Variants in SYNPO2L observed in about 807,000 individuals in gnomAD.
SYNPO2L encodes the protein synaptopodin 2 like.
In SYNPO2L, 34 loss-of-function variants were observed where a neutral mutation model predicts 47.5. The ratio of observed to expected loss-of-function variants is 0.72; its 90% CI spans 0.54 to 0.95. The LOEUF (loss-of-function observed/expected upper bound fraction) is 0.95, where lower values mean the gene tolerates loss of function less well. Ranked by LOEUF, SYNPO2L falls within the 40% of genes least tolerant of loss-of-function variation. The pLI is 0.00. For synonymous variants in SYNPO2L, 536 were observed against 524.9 expected (o/e 1.02, Z -0.29); for missense variants, 1,246 against 1,282.0 (o/e 0.97, Z 0.43).
intron 1 of SYNPO2L, 144 bp from the exon 2 acceptor site, chr10:73,654,424 G>T: frequency 2.1e-6 from 2 of 967,346 alleles, no homozygotes; most frequent in Non-Finnish European, 1.5e-6. Context: ...GGCTGCAGTT[G>T]AAGTGGCCTG....
At chr10:73,650,494 A>T (rs1269684573) in intron 3 of SYNPO2L, among the ~76,000 whole-genome samples, 1 of 152,174 alleles carries the variant, frequency 6.6e-6, no homozygotes, top group Non-Finnish European at 1.5e-5. Flanking sequence ...TGCTATAAGG[A>T]TTAACTGAGA....
At position 73,647,404 on chromosome 10, in the gene SYNPO2L, C is replaced by T. The variant is rs987505953; in HGVS notation, c.2248G>A (p.Glu750Lys). ...CCCCTGCCCTGCAGCCTTGGTGGCT[C>T]AGGGATTCCAGCCGAAGAGGCTGCC... ...NGAASSAGIP[E>K]PPRLQGRGGE... Residue 750 changes from glutamate (E) to lysine (K), a missense_variant, in exon 4 of 4, where the codon GAG becomes AAG. This residue lies in a region of SYNPO2L where 1,037 missense variants were observed against 1,021.5 expected (regional missense o/e 1.02). Transcript: ENST00000394810. 2.5e-6 allele frequency: 4 copies of T among 1,613,376 alleles called. No individual in the cohort carries two copies. Among genetic ancestry groups the T allele is most frequent in the Non-Finnish European group, 3.4e-6 (4 of 1,179,570 alleles).
At chr10:73,655,294 C>T (rs900649567) in intron 1 of SYNPO2L, among the ~76,000 whole-genome samples, 3 of 152,094 alleles carry the variant, frequency 2.0e-5, no homozygotes, top group African/African-American at 7.2e-5. Flanking sequence ...TTGCCATAAC[C>T]CTCCTAGCAC....
chr10:73,654,933 C>T (rs1451873054), intron 1 of SYNPO2L, among the ~76,000 whole-genome samples: 1 of 152,168 alleles, frequency 6.6e-6, no homozygotes, highest in African/African-American at 2.4e-5. Context: ...TGGTAATTCT[C>T]TACTAGGCCT....
In SYNPO2L at chr10:73,646,184, AC is replaced by A; in HGVS notation, c.*533del. The A allele has an allele frequency of 9.6e-6, 7 of 732,668 alleles. No homozygotes were observed. Among genetic ancestry groups the A allele is most frequent in the Non-Finnish European group, 1.1e-5 (7 of 615,944 alleles). 45.4% of individuals were successfully genotyped at this position (732,668 alleles called of 1,614,324 possible). A position where few individuals can be genotyped will look rare whatever the true frequency, so the allele number is the denominator to read the frequency against. The stretch of plus-strand genomic sequence containing the variant: ...TCATGCCTTAGACGGAAGAGCACAC[AC>A]ACACACACACACACACACACACACA... On this transcript the variant is annotated 3_prime_UTR_variant, in exon 4 of 4. Coordinates refer to ENST00000394810, the MANE Select transcript of SYNPO2L (RefSeq NM_001114133.3).
At position 73,648,424 on chromosome 10, in the gene SYNPO2L, G is replaced by C. The variant is rs756968415; in HGVS notation, c.1228C>G (p.Pro410Ala). Residue 410 changes from proline to alanine, a missense_variant, in exon 4 of 4, where the codon CCA (proline) becomes GCA (alanine). Physicochemically the swap from Pro to Ala is conservative, Grantham distance 27. Around this residue, in one of 3 missense-constraint regions of SYNPO2L, gnomAD observed 1,037 missense variants for 1,021.5 expected, o/e 1.02. Coordinates refer to ENST00000394810, the MANE Select transcript of SYNPO2L (RefSeq NM_001114133.3). ...SSTQELARVE[P>A]AAMLNGEGLQ... ...CCTTCCCCGTTGAGCATGGCTGCTG[G>C]TTCGACCCGTGCCAGTTCCTGGGTG... is the stretch of plus-strand genomic sequence containing the variant. 1.7e-5 allele frequency: 27 copies of C among 1,608,290 alleles called. 1 individual carries two copies. In the South Asian group the frequency reaches 2.7e-4, roughly 16 times the overall value.
chr10:73,649,942 TG>T lies in SYNPO2L; in HGVS notation c.773-1064del, dbSNP rs2081825958. 5 of 985,214 alleles carry T rather than the reference TG, an allele frequency of 5.1e-6. No homozygotes were observed. The African/African-American group carries it at 5.2e-5, about 10-fold the overall frequency. 61.0% of individuals were successfully genotyped at this position (985,214 alleles called of 1,614,324 possible). On this transcript the variant is annotated intron_variant, in intron 3 of 3. Coordinates refer to ENST00000394810, the MANE Select transcript of SYNPO2L (RefSeq NM_001114133.3). The stretch of plus-strand genomic sequence containing the variant: ...ATTTACCCCAAGCTGGGGATGGTAG[TG>T]GGGTGGGCTTCTTCAGGGGTCAGAA...
chr10:73,652,213 C>T (rs922783902), intron 3 of SYNPO2L, among the ~76,000 whole-genome samples: 16 of 151,716 alleles, frequency 1.1e-4, no homozygotes, highest in South Asian at 6.2e-4. Flanking sequence ...AGTGCAGTGG[C>T]GCAAACATGG....
chr10:73,645,314 G>A lies in SYNPO2L; in HGVS notation c.*1404C>T. The A allele has an allele frequency of 1.9e-6, 2 of 1,076,296 alleles. No homozygotes were observed. The allele number at this position is 1,076,296 out of a possible 1,614,324, so 66.7% of individuals were successfully genotyped here. Reference sequence around the variant, plus strand: ...TCCAATCCCCCTCTCACACACGGTTGGTTTCTTGTTACTCAACTTTACCTT... The same window carrying A: ...TCCAATCCCCCTCTCACACACGGTTAGTTTCTTGTTACTCAACTTTACCTT... On this transcript the variant is annotated 3_prime_UTR_variant, in exon 4 of 4. Coordinates refer to ENST00000394810, the MANE Select transcript of SYNPO2L (RefSeq NM_001114133.3).
In SYNPO2L at chr10:73,646,411, A is replaced by T; in HGVS notation, c.*307T>A. The T allele has an allele frequency of 9.1e-7, 1 of 1,093,138 alleles. No homozygotes were observed. The highest frequency in any genetic ancestry group is 4.4e-5 in the South Asian group (1 of 22,612). 67.7% of individuals were successfully genotyped at this position (1,093,138 alleles called of 1,614,324 possible). On this transcript the variant is annotated 3_prime_UTR_variant, in exon 4 of 4. Coordinates refer to ENST00000394810, the MANE Select transcript of SYNPO2L (RefSeq NM_001114133.3). ...ATGAGGCCCAGGGAGAAAAGCACAA[A>T]TGTCAAGGAAGAGAGATCTGTGGAG...
intron 3 of SYNPO2L, among the ~76,000 whole-genome samples, chr10:73,652,066 C>CAAA (rs1178972762): frequency 1.9e-3 from 90 of 47,684 alleles, no homozygotes; most frequent in African/African-American, 3.4e-3. Flanking sequence ...GACTCTATCT[C>CAAA]AAAAAAAAAA....
At position 73,644,964 on chromosome 10, in the gene SYNPO2L, T is replaced by C; in HGVS notation, c.*1754A>G. 8.2e-7 allele frequency: 1 copy of C among 1,224,518 alleles called. No individual in the cohort carries two copies. The highest frequency in any genetic ancestry group is 1.0e-6 in the Non-Finnish European group (1 of 954,928). 75.9% of individuals were successfully genotyped at this position (1,224,518 alleles called of 1,614,324 possible). ...CAACAAGCAAAGGAAATTATCACTT[T>C]CCAGATTACACAGCAAACGTAGCTG... On this transcript the variant is annotated 3_prime_UTR_variant, in exon 4 of 4. Coordinates refer to ENST00000394810, the MANE Select transcript of SYNPO2L (RefSeq NM_001114133.3).
chr10:73,648,343 G>T lies in SYNPO2L; in HGVS notation c.1309C>A (p.Pro437Thr). 1.2e-6 allele frequency: 2 copies of T among 1,605,222 alleles called. No homozygotes were observed. Among genetic ancestry groups the T allele is most frequent in the Non-Finnish European group, 1.7e-6 (2 of 1,178,984 alleles). The change falls in exon 4 of 4, where the codon CCC becomes ACC. Residue 437 changes from proline (P) to threonine (T), a missense_variant. By Grantham distance (38) the Pro-to-Thr change is conservative (BLOSUM62 -1). This residue lies in a region of SYNPO2L where 1,037 missense variants were observed against 1,021.5 expected (regional missense o/e 1.02). Transcript: ENST00000394810. ...SAPPEAAVLPPSPLPAPVASP... is the reference protein window; with the variant it reads ...SAPPEAAVLPTSPLPAPVASP... ...GCTACAGGCGCCGGCAAGGGGCTGGGTGGGAGCACAGCTGCCTCTGGGGGA... is the reference window on the plus strand; with the variant it reads ...GCTACAGGCGCCGGCAAGGGGCTGGTTGGGAGCACAGCTGCCTCTGGGGGA...
rs1378102534 is a variant in SYNPO2L at position 73,647,874 on chromosome 10, C to T, written c.1778G>A (p.Arg593His). 1 of 1,533,708 alleles carries T rather than the reference C, an allele frequency of 6.5e-7. No individual in the cohort carries two copies. The highest frequency in any genetic ancestry group is 1.3e-5 in the South Asian group (1 of 77,110). ...FLSAPLRPSA[R>H]PEAPAPGPGA... is the part of the protein sequence containing the mutation. ...TGGGCCTGGGGCAGGCGCCTCTGGG[C>T]GCGCAGAGGGTCGCAAAGGCGCAGA... Residue 593 changes from arginine (R) to histidine (H), a missense_variant, in exon 4 of 4, where the codon CGC (arginine) becomes CAC (histidine). Physicochemically the swap from Arg to His is conservative, Grantham distance 29. Coordinates refer to ENST00000394810, the MANE Select transcript of SYNPO2L (RefSeq NM_001114133.3).
In SYNPO2L at chr10:73,647,449, G is replaced by T. The variant is rs1042327624; in HGVS notation, c.2203C>A (p.Leu735Ile). 6.2e-7 allele frequency: 1 copy of T among 1,605,594 alleles called. No individual in the cohort carries two copies. Among genetic ancestry groups the T allele is most frequent in the African/African-American group, 1.3e-5 (1 of 74,666 alleles). ...GCTGCCCCATTCACGAGCCCATCAA[G>T]GAGCCCTCGAGATGGGGGCTTAGGA... ...VAPKPPSRGL[L>I]DGLVNGAASS... The change falls in exon 4 of 4, where the codon CTT becomes ATT. Residue 735 changes from leucine to isoleucine, a missense_variant. By Grantham distance (5) the Leu-to-Ile change is conservative. This residue lies in a region of SYNPO2L where 1,037 missense variants were observed against 1,021.5 expected (regional missense o/e 1.02). Coordinates refer to ENST00000394810, the MANE Select transcript of SYNPO2L (RefSeq NM_001114133.3).
chr10:73,648,464 C>A lies in SYNPO2L; in HGVS notation c.1188G>T (p.Gln396His). 1 of 1,611,804 alleles carries A rather than the reference C, an allele frequency of 6.2e-7. No individual in the cohort carries two copies. Among genetic ancestry groups the A allele is most frequent in the Non-Finnish European group, 8.5e-7 (1 of 1,179,866 alleles). ...RGVQLFEQQR[Q>H]RADSSTQELA... Reference sequence around the variant, plus strand: ...GTTCCTGGGTGCTGGAGTCTGCGCGCTGGCGCTGCTGTTCAAAGAGCTGCA... The same window carrying A: ...GTTCCTGGGTGCTGGAGTCTGCGCGATGGCGCTGCTGTTCAAAGAGCTGCA... Residue 396 changes from glutamine (Q) to histidine (H), a missense_variant, in exon 4 of 4, where the codon CAG becomes CAT. Transcript: ENST00000394810.
At chr10:73,654,343 A>G in intron 1 of SYNPO2L, 63 bp from the exon 2 acceptor site, 4 of 1,537,638 alleles carry the variant, frequency 2.6e-6, no homozygotes. Flanking sequence ...AATGAAAGGA[A>G]AAGATGGGAA....
In SYNPO2L at chr10:73,648,610, T is replaced by G; in HGVS notation, c.1042A>C (p.Asn348His). ...EAFSDARSLT[N>H]QSDWDSPYLD... ...TAGGGACTGTCCCAGTCAGATTGAT[T>G]GGTGAGGCTGCGGGCGTCAGAGAAG... The change falls in exon 4 of 4, where the codon AAT becomes CAT. Residue 348 changes from asparagine to histidine, a missense_variant. Transcript: ENST00000394810. The G allele has an allele frequency of 6.2e-7, 1 of 1,614,098 alleles. No individual in the cohort carries two copies. The highest frequency in any genetic ancestry group is 1.3e-5 in the African/African-American group (1 of 75,062).
In SYNPO2L at chr10:73,646,638, C is replaced by G. The variant is rs2081752930; in HGVS notation, c.*80G>C. On this transcript the variant is annotated 3_prime_UTR_variant, in exon 4 of 4. Transcript: ENST00000394810. The stretch of plus-strand genomic sequence containing the variant: ...GGCAATTTAGCTTCCAGATGCGTGA[C>G]AGGGGATGGGATAGGGTAGGAGAAG... 1.5e-6 allele frequency: 2 copies of G among 1,351,926 alleles called. No individual in the cohort carries two copies. Among genetic ancestry groups the G allele is most frequent in the African/African-American group, 3.0e-5 (2 of 67,336 alleles). 83.7% of individuals were successfully genotyped at this position (1,351,926 alleles called of 1,614,324 possible). A position where few individuals can be genotyped will look rare whatever the true frequency, so the allele number is the denominator to read the frequency against.
Sources: gnomAD v4.1 joint callset for allele counts (sites outside exome capture counted in the v4.1 genomes callset) on GRCh38, gnomAD v4.1.1 for gene constraint, gnomAD v4.1.1 regional missense constraint, MANE v1.5 for transcripts, NCBI Gene and HGNC (gene_info 2026-07-23, HGNC 2026-07-21) for gene names.